Variants in BRINP1 observed in about 807,000 individuals in gnomAD.
BRINP1 encodes the protein BMP/retinoic acid-inducible neural-specific protein 1.
Under a neutral mutation model 72.9 loss-of-function variants are expected in BRINP1, and 17 were observed. The ratio of observed to expected loss-of-function variants is 0.23; its 90% confidence interval spans 0.16 to 0.35. BRINP1 has a LOEUF of 0.35. Among genes scored for constraint, BRINP1 ranks in the 10% least tolerant of loss-of-function variants. The pLI is 1.00. For missense variants in BRINP1, 850 were observed against 1,001.6 expected, an observed-to-expected ratio of 0.85 and a Z score of 2.04; for synonymous variants, 418 against 378.5, an observed-to-expected ratio of 1.10 and a Z score of -1.21.
chr9:119,343,047 G>A (rs185162900), intron 1 of BRINP1, among the ~76,000 whole-genome samples: 24 of 152,302 alleles, frequency 1.6e-4, no homozygotes, highest in Non-Finnish European at 1.8e-4. Context: ...ATGTAAAGCC[G>A]TTAGCAGAGT....
chr9:119,359,171 C>T (rs1294814133), intron 1 of BRINP1, among the ~76,000 whole-genome samples: 4 of 152,150 alleles, frequency 2.6e-5, no homozygotes, highest in African/African-American at 9.7e-5. Context: ...TAAATACACA[C>T]ATGCCTCTAT....
chr9:119,258,431 C>T (rs768875542), intron 2 of BRINP1, among the ~76,000 whole-genome samples: 3 of 152,150 alleles, frequency 2.0e-5, no homozygotes, highest in Non-Finnish European at 4.4e-5. Flanking sequence ...GAGAGTTAAT[C>T]GTGGGAAAGG....
intron 2 of BRINP1, among the ~76,000 whole-genome samples, chr9:119,272,668 C>T (rs1830619631): frequency 6.6e-6 from 1 of 152,098 alleles, no homozygotes; most frequent in African/African-American, 2.4e-5. Context: ...CTTGCTACTT[C>T]CAGGCATTTT....
chr9:119,342,437 A>G (rs1188650529), intron 1 of BRINP1, among the ~76,000 whole-genome samples: 1 of 152,236 alleles, frequency 6.6e-6, no homozygotes, highest in East Asian at 1.9e-4. Flanking sequence ...CAGAGACACA[A>G]AGAAGGGAAA....
chr9:119,200,522 G>A (rs2118861902), intron 7 of BRINP1, among the ~76,000 whole-genome samples: 1 of 151,860 alleles, frequency 6.6e-6, no homozygotes, highest in Admixed American at 6.6e-5. Context: ...TTCTTGGGAG[G>A]CTGAGGCTGA....
At chr9:119,224,085 C>T (rs144123215) in intron 5 of BRINP1, among the ~76,000 whole-genome samples, 59 of 152,096 alleles carry the variant, frequency 3.9e-4, no homozygotes, top group Middle Eastern at 3.4e-3. Flanking sequence ...CTTTCATTTA[C>T]CACTTTATTA....
chr9:119,287,620 G>C (rs951265964), intron 2 of BRINP1, among the ~76,000 whole-genome samples: 1 of 152,162 alleles, frequency 6.6e-6, no homozygotes, highest in African/African-American at 2.4e-5. Flanking sequence ...AAGGCTTTCA[G>C]GTTCATGGAA....
At chr9:119,255,310 G>A (rs1015082288) in intron 2 of BRINP1, among the ~76,000 whole-genome samples, 1 of 152,198 alleles carries the variant, frequency 6.6e-6, no homozygotes, top group Non-Finnish European at 1.5e-5. Flanking sequence ...GCCCAATTAA[G>A]CATCCCAGCA....
In BRINP1 at chr9:119,167,731, G is replaced by T; in HGVS notation, c.1639C>A (p.Arg547Ser). 1.2e-6 allele frequency: 2 copies of T among 1,614,102 alleles called. No homozygotes were observed. The highest frequency in any genetic ancestry group is 1.7e-6 in the Non-Finnish European group (2 of 1,180,018). Residue 547 changes from arginine (R) to serine (S), a missense_variant, in exon 8 of 8, where the codon CGC (arginine) becomes AGC (serine). Physicochemically the swap from Arg to Ser is moderately radical, Grantham distance 110. Transcript: ENST00000265922. This position sits in a 1 kb window ranked among gnomAD's most constrained non-coding sequence, Gnocchi z 4.3. Reference sequence around the variant, plus strand: ...CTGCTGTTGCGCATCTGGCAGATGCGCATGGACATGCCGATCACCATGTGG... The same window carrying T: ...CTGCTGTTGCGCATCTGGCAGATGCTCATGGACATGCCGATCACCATGTGG... ...FIHMVIGMSM[R>S]ICQMRNSSLD...
chr9:119,360,830 A>G (rs1396704425), intron 1 of BRINP1, among the ~76,000 whole-genome samples: 1 of 152,204 alleles, frequency 6.6e-6, no homozygotes, highest in East Asian at 1.9e-4. Context: ...TAACCCTTAC[A>G]AAGGGTTCTA....
At chr9:119,182,650 A>G (rs1307948055) in intron 7 of BRINP1, among the ~76,000 whole-genome samples, 1 of 152,202 alleles carries the variant, frequency 6.6e-6, no homozygotes, top group African/African-American at 2.4e-5. Context: ...GGTGAACCCA[A>G]AAGCCCTTAC....
intron 2 of BRINP1, among the ~76,000 whole-genome samples, chr9:119,260,806 A>G (rs1344004896): frequency 6.6e-6 from 1 of 152,194 alleles, no homozygotes; most frequent in African/African-American, 2.4e-5. Flanking sequence ...TAGTATACTC[A>G]ATGATAATAG....
intron 2 of BRINP1, among the ~76,000 whole-genome samples, chr9:119,272,286 T>C (rs1048193709): frequency 2.0e-5 from 3 of 152,098 alleles, no homozygotes; most frequent in Non-Finnish European, 4.4e-5. Context: ...TTTCACCATT[T>C]TGGCCAGGCT....
rs1490555748 is a variant in BRINP1 at position 119,167,865 on chromosome 9, T to G, written c.1505A>C (p.His502Pro). ...GATCTCGTTGCTGATGAAGGTGGTG[T>G]GGACGTAGAGGCGTGAGTCCATCTT... ...LQKMDSRLYV[H>P]TTFISNEIRL... The change falls in exon 8 of 8, where the codon CAC becomes CCC. Residue 502 changes from histidine to proline, a missense_variant. Transcript: ENST00000265922. This position sits in a 1 kb window ranked among gnomAD's most constrained non-coding sequence, Gnocchi z 4.3. 6.2e-7 allele frequency: 1 copy of G among 1,614,106 alleles called. No individual in the cohort carries two copies. The highest frequency in any genetic ancestry group is 8.5e-7 in the Non-Finnish European group (1 of 1,180,022).
chr9:119,191,851 A>G (rs1371210235), intron 7 of BRINP1, among the ~76,000 whole-genome samples: 3 of 151,926 alleles, frequency 2.0e-5, no homozygotes, highest in African/African-American at 7.2e-5. Context: ...TTAAAATTAT[A>G]CTACAAAATT....
intron 1 of BRINP1, among the ~76,000 whole-genome samples, chr9:119,337,365 G>A (rs1281505747): frequency 5.3e-5 from 8 of 152,208 alleles, no homozygotes; most frequent in Non-Finnish European, 7.3e-5. Flanking sequence ...GAGCTTCCAC[G>A]TAGGAATGAG....
chr9:119,267,374 C>T (rs1037314935), intron 2 of BRINP1, among the ~76,000 whole-genome samples: 1 of 152,086 alleles, frequency 6.6e-6, no homozygotes, highest in African/African-American at 2.4e-5. Flanking sequence ...GTGGCTCACA[C>T]CTGAAATCCC....
intron 2 of BRINP1, 99 bp downstream of exon 2, chr9:119,313,039 C>T (rs920200523): frequency 7.3e-7 from 1 of 1,375,324 alleles, no homozygotes; most frequent in Non-Finnish European, 9.8e-7. Context: ...ACCCTTGACC[C>T]AGACACTTCT....
At chr9:119,178,043 G>T (rs1172373598) in intron 7 of BRINP1, among the ~76,000 whole-genome samples, 2 of 152,176 alleles carry the variant, frequency 1.3e-5, no homozygotes, top group Non-Finnish European at 2.9e-5. Context: ...CTTGGTGTTG[G>T]AGATGGTGGG....
Sources: allele counts gnomAD v4.1 joint callset (sites outside exome capture counted in the v4.1 genomes callset), GRCh38; gene constraint gnomAD v4.1.1; non-coding constraint Gnocchi (gnomAD v3.1); transcripts MANE v1.5; gene names NCBI Gene and HGNC (gene_info 2026-07-23, HGNC 2026-07-21).